PPM1L: variants seen among roughly 807,000 people sequenced by gnomAD.
The protein encoded by PPM1L is protein phosphatase, Mg2+/Mn2+ dependent 1L, also known as protein phosphatase 1L.
In PPM1L, 13 loss-of-function variants were observed where a neutral mutation model predicts 31.4. That is an observed-to-expected ratio of 0.41 (90% CI 0.27 to 0.66). PPM1L has a LOEUF of 0.66. Ranked by LOEUF, PPM1L falls within the 30% of genes least tolerant of loss-of-function variation. The probability of loss-of-function intolerance (pLI) is 0.29; values close to 1 mark genes in which losing one functional copy is unlikely to be tolerated. For synonymous variants in PPM1L, 184 were observed against 175.4 expected, an observed-to-expected ratio of 1.05 and a Z score of -0.39; for missense variants, 326 against 453.7, an observed-to-expected ratio of 0.72 and a Z score of 2.56.
rs1321438592 is a variant in PPM1L at position 160,851,481 on chromosome 3, G to C, written c.399+94774G>C. The stretch of plus-strand genomic sequence containing the variant: ...CGTGGCTGCTTGGCAGGGGTAATTT[G>C]CTTCATTGCAGTGTTTTCTAGTTGA... On this transcript the variant is annotated intron_variant, in intron 1 of 3. Coordinates refer to ENST00000498165, the MANE Select transcript of PPM1L (RefSeq NM_139245.4). 3.9e-5 allele frequency among the ~76,000 whole-genome samples: 6 copies of C among 152,264 alleles called. No homozygotes were observed. The East Asian group carries it at 1.2e-3, about 29-fold the overall frequency.
intron 1 of PPM1L, among the ~76,000 whole-genome samples, chr3:160,800,517 G>C (rs1318634056): frequency 6.6e-6 from 1 of 152,008 alleles, no homozygotes; most frequent in Non-Finnish European, 1.5e-5. Context: ...GAATGTTTTG[G>C]ATCCATAAGC....
intron 1 of PPM1L, chr3:160,842,397 T>A: frequency 1.5e-6 from 1 of 683,236 alleles, no homozygotes; most frequent in Non-Finnish European, 2.7e-6. Flanking sequence ...GGAGGGGCTT[T>A]GAATGCCAGG....
rs114268124 is a variant in PPM1L, at chr3:160,945,085, A to C, written c.400-16651A>C. Among the ~76,000 whole-genome samples, 41 of 129,856 alleles carry C rather than the reference A, an allele frequency of 3.2e-4. 2 individuals carry two copies. Among genetic ancestry groups the C allele is most frequent in the African/African-American group, 1.1e-3 (36 of 33,076 alleles). 85.2% of individuals were successfully genotyped at this position (129,856 alleles called of 152,430 possible). A position where few individuals can be genotyped will look rare whatever the true frequency, so the allele number is the denominator to read the frequency against. On this transcript the variant is annotated intron_variant, in intron 1 of 3. Coordinates refer to ENST00000498165, the MANE Select transcript of PPM1L (RefSeq NM_139245.4). Reference sequence around the variant, plus strand: ...TATATAACATGTTATATATAACTATATATAACATGTTATATATAACATATA... The same window carrying C: ...TATATAACATGTTATATATAACTATCTATAACATGTTATATATAACATATA...
At chr3:160,964,624 A>G (rs1036119974) in intron 2 of PPM1L, among the ~76,000 whole-genome samples, 1 of 152,030 alleles carries the variant, frequency 6.6e-6, no homozygotes, top group Non-Finnish European at 1.5e-5. Flanking sequence ...TTCGTGGCAT[A>G]CAGTGTTTGG....
In PPM1L at chr3:160,777,388, ATT is replaced by A. The variant is rs1431234319; in HGVS notation, c.399+20683_399+20684del. On this transcript the variant is annotated intron_variant, in intron 1 of 3. Coordinates refer to ENST00000498165, the MANE Select transcript of PPM1L (RefSeq NM_139245.4). ...TAAATTGTAAAAATCATGTAACAAAATTTATCATTATAACCATTTTTAAGTGT... is the reference window on the plus strand; with the variant it reads ...TAAATTGTAAAAATCATGTAACAAAATATCATTATAACCATTTTTAAGTGT... Among the ~76,000 whole-genome samples, 9 of 152,326 alleles carry A rather than the reference ATT, an allele frequency of 5.9e-5. No homozygotes were observed. The East Asian group carries it at 1.7e-3, about 29-fold the overall frequency.
chr3:160,796,949 C>T (rs1576641656), intron 1 of PPM1L, among the ~76,000 whole-genome samples: 1 of 152,286 alleles, frequency 6.6e-6, no homozygotes, highest in East Asian at 1.9e-4. Context: ...GACCTCATGT[C>T]ACACCACTCT....
intron 1 of PPM1L, among the ~76,000 whole-genome samples, chr3:160,782,820 T>C (rs1226003612): frequency 6.6e-6 from 1 of 152,226 alleles, no homozygotes; most frequent in Non-Finnish European, 1.5e-5. Flanking sequence ...ATGCTTCAAA[T>C]TTTTAAAAAT....
chr3:160,878,127 C>T (rs1388669523), intron 1 of PPM1L, among the ~76,000 whole-genome samples: 1 of 152,220 alleles, frequency 6.6e-6, no homozygotes, highest in East Asian at 1.9e-4. Flanking sequence ...TCACCATCTC[C>T]ACCCTGCAGG....
At chr3:160,904,655 T>C (rs976585388) in intron 1 of PPM1L, among the ~76,000 whole-genome samples, 18 of 152,040 alleles carry the variant, frequency 1.2e-4, no homozygotes, top group African/African-American at 4.3e-4. Flanking sequence ...GCTGCACTTA[T>C]AACTAGATCT....
At chr3:160,771,801 T>C (rs1429626577) in intron 1 of PPM1L, among the ~76,000 whole-genome samples, 1 of 152,004 alleles carries the variant, frequency 6.6e-6, no homozygotes, top group African/African-American at 2.4e-5. Context: ...GATGGGAATA[T>C]AGAGATGGGC....
chr3:160,875,456 T>A (rs1712474542), intron 1 of PPM1L, among the ~76,000 whole-genome samples: 1 of 152,200 alleles, frequency 6.6e-6, no homozygotes, highest in Non-Finnish European at 1.5e-5. Context: ...TGCAAATAAG[T>A]CTCTAAATGT....
chr3:160,916,716 T>C (rs1714196374), intron 1 of PPM1L, among the ~76,000 whole-genome samples: 1 of 152,110 alleles, frequency 6.6e-6, no homozygotes, highest in African/African-American at 2.4e-5. Flanking sequence ...GAGAAACATA[T>C]GTTTCTAACT....
At chr3:160,920,639 TCACACACA>T (rs1224798497) in intron 1 of PPM1L, among the ~76,000 whole-genome samples, 9 of 63,322 alleles carry the variant, frequency 1.4e-4, no homozygotes, top group Admixed American at 1.4e-3. Context: ...ACACACACAC[TCACACACA>T]CACACACACA....
chr3:160,934,509 A>C (rs1278179681), intron 1 of PPM1L, among the ~76,000 whole-genome samples: 3 of 152,196 alleles, frequency 2.0e-5, no homozygotes, highest in Admixed American at 6.5e-5. Flanking sequence ...AGAAGGAAAA[A>C]AATGTCTCAT....
chr3:160,891,777 G>T lies in PPM1L; in HGVS notation c.400-69959G>T, dbSNP rs552985722. ...GCCCATCAGTGATAGACTGGATAAAGAAAATGTGGTACATGTACACCATGG... is the reference window on the plus strand; with the variant it reads ...GCCCATCAGTGATAGACTGGATAAATAAAATGTGGTACATGTACACCATGG... On this transcript the variant is annotated intron_variant, in intron 1 of 3. Coordinates refer to ENST00000498165, the MANE Select transcript of PPM1L (RefSeq NM_139245.4). Among the ~76,000 whole-genome samples, 128 of 152,290 alleles carry T rather than the reference G, an allele frequency of 8.4e-4. 1 individual carries two copies. The highest frequency in any genetic ancestry group is 2.9e-3 in the African/African-American group (120 of 41,558).
chr3:160,858,241 T>A (rs1711783459), intron 1 of PPM1L, among the ~76,000 whole-genome samples: 1 of 152,186 alleles, frequency 6.6e-6, no homozygotes, highest in Non-Finnish European at 1.5e-5. Flanking sequence ...TTAAAATTTC[T>A]CTTTTCTTTT....
chr3:160,812,644 G>A (rs575182256), intron 1 of PPM1L, among the ~76,000 whole-genome samples: 2 of 152,222 alleles, frequency 1.3e-5, no homozygotes, highest in South Asian at 4.1e-4. Context: ...CAGTCTATGA[G>A]AGTCTGCAAG....
At position 160,958,831 on chromosome 3, in the gene PPM1L, C is replaced by T. The variant is rs182479931; in HGVS notation, c.400-2905C>T. On this transcript the variant is annotated intron_variant, in intron 1 of 3. Transcript: ENST00000498165. ...AATATAACTTTTCACCACCACTTCC[C>T]AGTGGACTTTTCCTGGGAAGTCAGT... Among the ~76,000 whole-genome samples, 101 of 152,300 alleles carry T rather than the reference C, an allele frequency of 6.6e-4. 1 individual carries two copies. Among genetic ancestry groups the T allele is most frequent in the Admixed American group, 2.4e-3 (37 of 15,302 alleles).
intron 1 of PPM1L, among the ~76,000 whole-genome samples, chr3:160,796,788 T>C (rs943893450): frequency 2.7e-4 from 41 of 152,216 alleles, no homozygotes; most frequent in Non-Finnish European, 1.0e-4. Context: ...GGTAAGAGTA[T>C]GGAATAAAAG....
Sources: allele counts gnomAD v4.1 joint callset (sites outside exome capture counted in the v4.1 genomes callset), GRCh38; gene constraint gnomAD v4.1.1; transcripts MANE v1.5; gene names NCBI Gene and HGNC (gene_info 2026-07-23, HGNC 2026-07-21).